The following HTD2 variants were observed in gnomAD, a reference collection of about 807,000 sequenced individuals.
HTD2 encodes the protein hydroxyacyl-thioester dehydratase type 2.
In HTD2, 1 loss-of-function variant was observed where a neutral mutation model predicts 3.1. The observed-to-expected ratio is 0.32, with a 90% CI of 0.11 to 1.52. HTD2 has a LOEUF of 1.52. Ranked by LOEUF, HTD2 falls within the 40% of genes most tolerant of loss-of-function variation. HTD2 has a pLI of 0.39. For synonymous variants in HTD2, 50 were observed against 28.9 expected, an observed-to-expected ratio of 1.73 and a Z score of -2.34; for missense variants, 150 against 79.6, an observed-to-expected ratio of 1.88 and a Z score of -3.36.
intron 1 of HTD2, among the ~76,000 whole-genome samples, chr3:58,307,257 A>C (rs1399935450): frequency 6.6e-6 from 1 of 152,186 alleles, no homozygotes; most frequent in Non-Finnish European, 1.5e-5. Flanking sequence ...CTTTGGCCTT[A>C]CTCTGGATAA....
chr3:58,314,357 AT>A (rs1451026628), intron 2 of HTD2, among the ~76,000 whole-genome samples: 1 of 152,230 alleles, frequency 6.6e-6, no homozygotes, highest in Admixed American at 6.5e-5. Context: ...TCTCAAAAAA[AT>A]AATAGTAATA....
rs1166700831 is a variant in HTD2 at position 58,316,902 on chromosome 3, G to T, written c.-253-13G>T. On this transcript the variant is annotated splice_polypyrimidine_tract_variant and intron_variant, in intron 3 of 4. Coordinates refer to ENST00000461393, the MANE Select transcript of HTD2 (RefSeq NM_001348712.2). ...TCTATGACACACTATGTATTTTCTT[G>T]ATCTTTCTGCAGTGGTCTTGTCAAA... 6.2e-7 allele frequency: 1 copy of T among 1,607,836 alleles called. No homozygotes were observed. The highest frequency in any genetic ancestry group is 8.5e-7 in the Non-Finnish European group (1 of 1,175,786).
intron 1 of HTD2, chr3:58,307,770 T>C (rs2097477118): frequency 6.6e-6 from 1 of 152,162 alleles, no homozygotes; most frequent in Non-Finnish European, 1.5e-5. Context: ...GCCTGGTGAA[T>C]ATATTTAATA....
chr3:58,310,697 C>T (rs781536381), intron 2 of HTD2, 106 bp downstream of exon 2: 28 of 866,710 alleles, frequency 3.2e-5, no homozygotes, highest in Middle Eastern at 2.8e-4. Flanking sequence ...CTTTGGAGGC[C>T]GAGGTGGGCA....
chr3:58,308,216 A>G (rs1434976031), intron 1 of HTD2, among the ~76,000 whole-genome samples: 1 of 152,160 alleles, frequency 6.6e-6, no homozygotes, highest in African/African-American at 2.4e-5. Flanking sequence ...TTTTGAATAT[A>G]TAGGCCTATA....
chr3:58,314,528 A>G (rs1401820062), intron 2 of HTD2, among the ~76,000 whole-genome samples: 2 of 152,148 alleles, frequency 1.3e-5, no homozygotes, highest in South Asian at 4.1e-4. Context: ...TAATGACACA[A>G]TGAGATACCA....
chr3:58,310,542 C>T lies in HTD2; in HGVS notation c.-380C>T. On this transcript the variant is annotated 5_prime_UTR_variant, in exon 2 of 5. Transcript: ENST00000461393. ...GATTGTGGAGTTGGACTGAATGCTG[C>T]ACAGTTCAAACAGCTGCTTATTTCG... is the stretch of plus-strand genomic sequence containing the variant. 1.9e-6 allele frequency: 3 copies of T among 1,612,640 alleles called. No homozygotes were observed. Among genetic ancestry groups the T allele is most frequent in the South Asian group, 1.1e-5 (1 of 91,002 alleles).
At chr3:58,316,070 C>G (rs556795948) in intron 2 of HTD2, among the ~76,000 whole-genome samples, 12 of 152,162 alleles carry the variant, frequency 7.9e-5, no homozygotes, top group South Asian at 2.1e-4. Context: ...ACCTGTGTGT[C>G]AGGTAGAAAA....
At chr3:58,316,431 C>G in intron 2 of HTD2, 84 bp from the exon 3 acceptor site, 1 of 1,297,080 alleles carries the variant, frequency 7.7e-7, no homozygotes, top group Non-Finnish European at 1.1e-6. Flanking sequence ...GAGAAAAGCT[C>G]AAAACTCATT....
At chr3:58,310,179 C>T in intron 1 of HTD2, 4 of 657,202 alleles carry the variant, frequency 6.1e-6, no homozygotes, top group Non-Finnish European at 8.0e-6. Flanking sequence ...TGCACTTCAG[C>T]CTAGGTGACA....
chr3:58,317,073 G>A, intron 4 of HTD2, 80 bp downstream of exon 4: 4 of 1,011,482 alleles, frequency 4.0e-6, no homozygotes, highest in African/African-American at 1.6e-5. Flanking sequence ...ACTCATTTTT[G>A]TGCTTGCATA....
At chr3:58,306,437 AG>A (rs1346271607), upstream of HTD2, 1 of 152,328 alleles carries the variant, frequency 6.6e-6, no homozygotes, top group Non-Finnish European at 1.5e-5. Flanking sequence ...AGCCTTCCAA[AG>A]AGCGGCGGTT....
chr3:58,314,304 T>C (rs2097485853), intron 2 of HTD2, among the ~76,000 whole-genome samples: 2 of 152,104 alleles, frequency 1.3e-5, no homozygotes, highest in African/African-American at 2.4e-5. Flanking sequence ...TGAGCTGAGA[T>C]CACACCACTG....
chr3:58,317,899 C>G lies in HTD2; in HGVS notation c.286C>G (p.Leu96Val). ...VLINGLISAL[L>V]GTKMPGPGCV... ...GATCAACGGACTTATCTCAGCTCTC[C>G]TAGGAACTAAAATGCCAGGGCCAGG... The change falls in exon 5 of 5, where the codon CTA (leucine) becomes GTA (valine). Residue 96 changes from leucine to valine, a missense_variant. Coordinates refer to ENST00000461393, the MANE Select transcript of HTD2 (RefSeq NM_001348712.2). 1 of 702,926 alleles carries G rather than the reference C, an allele frequency of 1.4e-6. No individual in the cohort carries two copies. The highest frequency in any genetic ancestry group is 2.6e-6 in the Non-Finnish European group (1 of 384,946). 43.5% of individuals were successfully genotyped at this position (702,926 alleles called of 1,614,324 possible). A position where few individuals can be genotyped will look rare whatever the true frequency, so the allele number is the denominator to read the frequency against.
At position 58,306,975 on chromosome 3, in the gene HTD2, G is replaced by A. The variant is rs913789600; in HGVS notation, c.-416+324G>A. On this transcript the variant is annotated intron_variant, in intron 1 of 4. Transcript: ENST00000461393. ...TGGGGTGCGGTGTTAGCCGAGAAGG[G>A]CACTGGGCCAACCCGATTGAGATTT... Among the ~76,000 whole-genome samples, 3 of 152,242 alleles carry A rather than the reference G, an allele frequency of 2.0e-5. 1 individual carries two copies. In the South Asian group the frequency reaches 6.2e-4, roughly 31 times the overall value.
At chr3:58,306,422 G>T (rs2097474569), upstream of HTD2, 1 of 152,338 alleles carries the variant, frequency 6.6e-6, no homozygotes, top group African/African-American at 2.4e-5. Flanking sequence ...GAGTGGGTAG[G>T]TGGAAGCCTT....
At chr3:58,306,764 C>G (rs1487271123) in intron 1 of HTD2, 113 bp downstream of exon 1, 1 of 151,994 alleles carries the variant, frequency 6.6e-6, no homozygotes, top group African/African-American at 2.4e-5. Context: ...GTACGTCGCA[C>G]GCCCACTGTG....
At chr3:58,312,664 G>C (rs2097483575) in intron 2 of HTD2, among the ~76,000 whole-genome samples, 1 of 152,028 alleles carries the variant, frequency 6.6e-6, no homozygotes, top group Non-Finnish European at 1.5e-5. Context: ...CTTTTAATGA[G>C]AAAGTCTCCT....
intron 2 of HTD2, among the ~76,000 whole-genome samples, chr3:58,313,993 CTGTGGTAAACTA>C (rs2097485175): frequency 6.6e-6 from 1 of 152,208 alleles, no homozygotes; most frequent in African/African-American, 2.4e-5. Flanking sequence ...TTGAGGCTGG[CTGTGGTAAACTA>C]TGATTGCACT....
Sources: allele counts gnomAD v4.1 joint callset (sites outside exome capture counted in the v4.1 genomes callset), GRCh38; gene constraint gnomAD v4.1.1; transcripts MANE v1.5; gene names NCBI Gene and HGNC (gene_info 2026-07-23, HGNC 2026-07-21).